The following PCNT variants were observed in gnomAD, a reference collection of about 807,000 sequenced individuals.
PCNT encodes the protein pericentrin, also known as kendrin.
Under a neutral mutation model 380.4 loss-of-function variants are expected in PCNT, and 319 were observed. That is an observed-to-expected ratio of 0.84 (90% CI 0.77 to 0.92). The LOEUF (loss-of-function observed/expected upper bound fraction) is 0.92. Ranked by LOEUF, PCNT falls within the 40% of genes least tolerant of loss-of-function variation. PCNT has a pLI of 0.00. For synonymous variants in PCNT, 1,845 were observed against 1,735.2 expected (o/e 1.06, Z -1.57); for missense variants, 4,400 against 4,255.3 (o/e 1.03, Z -0.95).
chr21:46,324,388 G>T, intron 1 of PCNT, 106 bp downstream of exon 1: 1 of 1,009,596 alleles, frequency 9.9e-7, no homozygotes, highest in Non-Finnish European at 1.5e-6. Context: ...TCCGGCGGAA[G>T]CCGCCGCGGA....
chr21:46,338,457 T>G (rs553492889), intron 3 of PCNT, among the ~76,000 whole-genome samples: 141 of 152,350 alleles, frequency 9.3e-4, no homozygotes, highest in African/African-American at 3.3e-3. Flanking sequence ...TGAAGATTCA[T>G]CCAAGCTTTA....
intron 13 of PCNT, among the ~76,000 whole-genome samples, chr21:46,360,114 C>T (rs888547787): frequency 1.3e-5 from 2 of 152,000 alleles, no homozygotes; most frequent in African/African-American, 4.8e-5. Flanking sequence ...GCCTCGGCCT[C>T]CCAAAGTGCT....
At position 46,436,470 on chromosome 21, in the gene PCNT, G is replaced by C. The variant is rs10600726; in HGVS notation, c.8996+322G>C. On this transcript the variant is annotated intron_variant, in intron 39 of 46. Coordinates refer to ENST00000359568, the MANE Select transcript of PCNT (RefSeq NM_006031.6). The stretch of plus-strand genomic sequence containing the variant: ...AGGGTCGGGTTTGGAGCCTCCTGTG[G>C]CCCCCCCCCCCCCCCCCCGCTGGCA... 0.66 allele frequency among the ~76,000 whole-genome samples: 3,070 copies of C among 4,648 alleles called. 1,136 individuals carry two copies. The highest frequency in any genetic ancestry group is 1 in the Middle Eastern group (10 of 10). The allele number at this position is 4,648 out of a possible 152,430, so 3.0% of individuals were successfully genotyped here. A position where few individuals can be genotyped will look rare whatever the true frequency, so the allele number is the denominator to read the frequency against.
Position 46,440,126 on chromosome 21 carries a change from A to G in PCNT, c.9317A>G (p.Gln3106Arg), listed in dbSNP as rs2053567685. The part of the protein sequence containing the change: ...SAWKPDETAP[Q>R]SSLRRPDPGR... ...TGGAAGCCAGACGAAACGGCTCCAC[A>G]GAGTTCCCTGAGGCGCCCAGACCCC... Residue 3106 changes from glutamine (Q) to arginine (R), a missense_variant, in exon 42 of 47, where the codon CAG becomes CGG. By Grantham distance (43) the Gln-to-Arg change is conservative. Transcript: ENST00000359568. 3 of 1,614,034 alleles carry G rather than the reference A, an allele frequency of 1.9e-6. No homozygotes were observed. Among genetic ancestry groups the G allele is most frequent in the Non-Finnish European group, 2.5e-6 (3 of 1,180,022 alleles).
At chr21:46,426,312 A>G (rs1018768062) in intron 33 of PCNT, among the ~76,000 whole-genome samples, 3 of 152,086 alleles carry the variant, frequency 2.0e-5, no homozygotes, top group African/African-American at 7.2e-5. Context: ...GATTACAGGC[A>G]TGAGCCACCG....
rs1229380393 is a variant in PCNT at position 46,443,901 on chromosome 21, C to T, written c.9792C>T (p.Ala3264=). ...CCTCTGGCCACACCAGGGACCCTGCCAGAGGCCGCAGACTGGCAGCAGCAG... is the reference window on the plus strand; with the variant it reads ...CCTCTGGCCACACCAGGGACCCTGCTAGAGGCCGCAGACTGGCAGCAGCAG... ...DVPSGHTRDP[A]RGRRLAAAAS... is the part of the protein sequence containing the mutation. Residue 3264 remains alanine, a synonymous_variant, in exon 45 of 47, where the codon GCC becomes GCT. Transcript: ENST00000359568. 6.2e-7 allele frequency: 1 copy of T among 1,612,848 alleles called. No homozygotes were observed. The highest frequency in any genetic ancestry group is 8.5e-7 in the Non-Finnish European group (1 of 1,180,028).
intron 3 of PCNT, among the ~76,000 whole-genome samples, chr21:46,337,436 A>T (rs888927165): frequency 1.3e-5 from 2 of 152,076 alleles, no homozygotes; most frequent in African/African-American, 4.8e-5. Context: ...CTGTTTTCCA[A>T]GGTTACTCAG....
In PCNT at chr21:46,418,230, A is replaced by C. The variant is rs1166618300; in HGVS notation, c.6948A>C (p.Thr2316=). The change falls in exon 31 of 47, where the codon ACA becomes ACC. Residue 2316 remains threonine, a synonymous_variant. Transcript: ENST00000359568. ...AVEKDVEDFI[T]TSFDSQETLS... ...AGAAAGATGTCGAAGATTTTATCAC[A>C]ACATCCTTTGATTCTCAAGAAACAT... 1 of 1,606,044 alleles carries C rather than the reference A, an allele frequency of 6.2e-7. No individual in the cohort carries two copies. Among genetic ancestry groups the C allele is most frequent in the Non-Finnish European group, 8.5e-7 (1 of 1,172,840 alleles).
intron 16 of PCNT, among the ~76,000 whole-genome samples, chr21:46,382,159 A>ACCATGT: frequency 6.9e-6 from 1 of 143,986 alleles, no homozygotes; most frequent in Non-Finnish European, 1.5e-5. Flanking sequence ...AAGCGCATTC[A>ACCATGT]TAGTGTAGAT....
intron 11 of PCNT, 29 bp downstream of exon 11, chr21:46,354,097 G>A: frequency 3.1e-6 from 5 of 1,589,834 alleles, no homozygotes; most frequent in Non-Finnish European, 4.3e-6. Flanking sequence ...AGAAGTGGGG[G>A]AGTCCTGTGC....
In PCNT at chr21:46,324,981, C is replaced by T. The variant is rs898709454; in HGVS notation, c.54+699C>T. On this transcript the variant is annotated intron_variant, in intron 1 of 46. Coordinates refer to ENST00000359568, the MANE Select transcript of PCNT (RefSeq NM_006031.6). ...TGGGCTCGCGTCCTGCCCGTCCGGG[C>T]CTGGCGTACGCTGCCGGGAACCCAC... 11 of 832,338 alleles carry T rather than the reference C, an allele frequency of 1.3e-5. No individual in the cohort carries two copies. The African/African-American group carries it at 7.0e-4, about 53-fold the overall frequency. 51.6% of individuals were successfully genotyped at this position (832,338 alleles called of 1,614,324 possible).
intron 41 of PCNT, among the ~76,000 whole-genome samples, chr21:46,439,449 C>T (rs1181947110): frequency 6.6e-6 from 1 of 152,212 alleles, no homozygotes; most frequent in Non-Finnish European, 1.5e-5. Context: ...GATCCTCCTG[C>T]CTCAGCCTCC....
At chr21:46,434,520 CT>C (rs1373794408) in intron 38 of PCNT, among the ~76,000 whole-genome samples, 2 of 152,262 alleles carry the variant, frequency 1.3e-5, no homozygotes, top group African/African-American at 4.8e-5. Flanking sequence ...CCCAGCGGCG[CT>C]GCTGGGAATC....
intron 7 of PCNT, 60 bp from the exon 8 acceptor site, chr21:46,349,624 A>T: frequency 6.4e-7 from 1 of 1,564,352 alleles, no homozygotes; most frequent in Non-Finnish European, 8.8e-7. Flanking sequence ...ATTGTCACTG[A>T]GGTCGCTGTT....
Position 46,388,759 on chromosome 21 carries a change from C to T in PCNT, c.3482C>T (p.Ala1161Val). ...TGTCTCAGAGGGGCCCTCCAGGACG[C>T]CCTGCGCAGGCTGCTGGGTTTGTTT... ...SHSERGALQD[A>V]LRRLLGLFGE... is the part of the protein sequence containing the mutation. The change falls in exon 18 of 47, where the codon GCC (alanine) becomes GTC (valine). Residue 1161 changes from alanine (A) to valine (V), a missense_variant. Ala to Val is a moderately conservative substitution (Grantham distance 64). Transcript: ENST00000359568. This position sits in a 1 kb window ranked among gnomAD's most constrained non-coding sequence, Gnocchi z 4.2. 6.2e-7 allele frequency: 1 copy of T among 1,613,892 alleles called. No individual in the cohort carries two copies. The highest frequency in any genetic ancestry group is 2.2e-5 in the East Asian group (1 of 44,870).
intron 13 of PCNT, among the ~76,000 whole-genome samples, chr21:46,358,174 C>T (rs563885403): frequency 4.5e-4 from 69 of 151,984 alleles, no homozygotes; most frequent in South Asian, 3.5e-3. Flanking sequence ...TCAAGTGAAC[C>T]GACGGGGCAG....
Position 46,363,497 on chromosome 21 carries a change from T to A in PCNT, c.2172T>A (p.Ile724=). The A allele has an allele frequency of 6.2e-7, 1 of 1,612,974 alleles. No individual in the cohort carries two copies. Among genetic ancestry groups the A allele is most frequent in the South Asian group, 1.1e-5 (1 of 91,030 alleles). ...DDLEKVKHNL[I]EDHQKELNNA... is the part of the protein sequence containing the mutation. ...GTCTGTAGGTAAAACACAATCTAAT[T>A]GAAGACCACCAGAAGGAACTAAATA... is the stretch of plus-strand genomic sequence containing the variant. The change falls in exon 14 of 47, where the codon ATT becomes ATA. Residue 724 remains isoleucine (I), a synonymous_variant. Coordinates refer to ENST00000359568, the MANE Select transcript of PCNT (RefSeq NM_006031.6).
At chr21:46,374,289 T>C (rs1379775362) in intron 15 of PCNT, among the ~76,000 whole-genome samples, 1 of 151,972 alleles carries the variant, frequency 6.6e-6, no homozygotes, top group Non-Finnish European at 1.5e-5. Flanking sequence ...TGAGGTGTTT[T>C]CCCCCAATAC....
chr21:46,345,316 C>T (rs547219315), intron 3 of PCNT, among the ~76,000 whole-genome samples: 1 of 152,240 alleles, frequency 6.6e-6, no homozygotes, highest in African/African-American at 2.4e-5. Context: ...CTTCCAGGTT[C>T]AAGTGATCCT....
Sources: allele counts gnomAD v4.1 joint callset (sites outside exome capture counted in the v4.1 genomes callset), GRCh38; gene constraint gnomAD v4.1.1; non-coding constraint Gnocchi (gnomAD v3.1); transcripts MANE v1.5; gene names NCBI Gene and HGNC (gene_info 2026-07-23, HGNC 2026-07-21).